Variants in BBS1 observed in about 807,000 individuals in gnomAD.
BBS1 encodes the protein BBSome complex member BBS1.
BBS1 carries 60 observed loss-of-function variants against 73.9 expected under a neutral mutation model. The observed-to-expected ratio is 0.81, with a 90% CI of 0.66 to 1.01. The LOEUF (loss-of-function observed/expected upper bound fraction) is 1.01. Ranked by LOEUF, BBS1 falls within the 50% of genes least tolerant of loss-of-function variation. The pLI, the probability that BBS1 is intolerant of heterozygous loss-of-function variation, is 0.00. For synonymous variants in BBS1, 283 were observed against 317.4 expected (o/e 0.89, Z 1.15); for missense variants, 718 against 770.3 (o/e 0.93, Z 0.80).
intron 16 of BBS1, 86 bp from the exon 17 acceptor site, chr11:66,531,865 C>A (rs937045944): frequency 6.3e-7 from 1 of 1,593,702 alleles, no homozygotes; most frequent in Admixed American, 1.8e-5. Context: ...CACAGTGGAG[C>A]CCTGTGGCCT....
chr11:66,516,129 T>A (rs1207204105), intron 7 of BBS1, among the ~76,000 whole-genome samples, 196 bp downstream of exon 7: 4 of 146,142 alleles, frequency 2.7e-5, no homozygotes, highest in Non-Finnish European at 6.0e-5. Flanking sequence ...CAGCTTTTTT[T>A]TTTTTTTTTT....
intron 7 of BBS1, among the ~76,000 whole-genome samples, chr11:66,516,233 C>A (rs1856047278): frequency 6.8e-6 from 1 of 147,658 alleles, no homozygotes; most frequent in African/African-American, 2.5e-5. Context: ...TCAAGCGATT[C>A]TCCTGCCTCA....
At chr11:66,531,615 C>T in intron 15 of BBS1, 41 bp from the exon 16 acceptor site, 1 of 1,613,686 alleles carries the variant, frequency 6.2e-7, no homozygotes, top group African/African-American at 1.3e-5. Flanking sequence ...CAAACACTGG[C>T]ACGAGGGCTG....
intron 7 of BBS1, among the ~76,000 whole-genome samples, chr11:66,517,218 C>CA (rs576970399): frequency 0.022 from 3,065 of 138,486 alleles, 87 homozygotes; most frequent in African/African-American, 0.072. Flanking sequence ...AACCAAAAAA[C>CA]AAAAAAAAAA....
intron 8 of BBS1, 166 bp downstream of exon 8, chr11:66,519,914 A>G (rs779943563): frequency 4.5e-5 from 35 of 777,466 alleles, no homozygotes; most frequent in Non-Finnish European, 6.5e-5. Flanking sequence ...CTATGGATGT[A>G]TACTGTTAAA....
chr11:66,531,807 T>C (rs1856794541), intron 16 of BBS1, 65 bp downstream of exon 16: 1 of 1,610,722 alleles, frequency 6.2e-7, no homozygotes, highest in Non-Finnish European at 8.5e-7. Context: ...TAAGGGTGAG[T>C]GCCAACAAAG....
chr11:66,518,771 T>C (rs1032659083), intron 7 of BBS1, among the ~76,000 whole-genome samples: 30 of 151,324 alleles, frequency 2.0e-4, no homozygotes, highest in African/African-American at 7.3e-4. Context: ...TTTTTTTTTT[T>C]TTTTAAGACA....
intron 7 of BBS1, among the ~76,000 whole-genome samples, chr11:66,518,201 C>A (rs1856097211): frequency 6.6e-6 from 1 of 151,956 alleles, no homozygotes; most frequent in Admixed American, 6.6e-5. Context: ...ACGTGATCCA[C>A]CCACCTCGGC....
chr11:66,524,176 A>C (rs1856381562), intron 11 of BBS1: 1 of 407,220 alleles, frequency 2.5e-6, no homozygotes, highest in Non-Finnish European at 4.7e-6. Flanking sequence ...GCTACTCAGG[A>C]GGTTGAGGTA....
At chr11:66,519,373 GA>G (rs1186547445) in intron 7 of BBS1, among the ~76,000 whole-genome samples, 3 of 147,340 alleles carry the variant, frequency 2.0e-5, no homozygotes, top group African/African-American at 5.0e-5. Flanking sequence ...CCTGTCTCAA[GA>G]AAAAAAAAAG....
rs192214067 is a variant in BBS1 at position 66,530,780 on chromosome 11, A to T, written c.1474-114A>T. 2.1e-6 allele frequency: 3 copies of T among 1,455,720 alleles called. No homozygotes were observed. In the East Asian group the frequency reaches 6.8e-5, roughly 33 times the overall value. The allele number at this position is 1,455,720 out of a possible 1,614,324, so 90.2% of individuals were successfully genotyped here. On this transcript the variant is annotated intron_variant, in intron 14 of 16. Transcript: ENST00000318312. ...GTCTTCTGTGTCTGCTGGGAGGCAG[A>T]TTGAGTAGGAGGAGGGGACATGAGG...
At chr11:66,526,537 A>T in intron 12 of BBS1, 112 bp from the exon 13 acceptor site, 1 of 1,333,358 alleles carries the variant, frequency 7.5e-7, no homozygotes, top group Non-Finnish European at 1.1e-6. Flanking sequence ...CGTCTGGAAG[A>T]CGGATGTGTA....
intron 7 of BBS1, 73 bp from the exon 8 acceptor site, chr11:66,519,544 A>C: frequency 6.2e-7 from 1 of 1,604,042 alleles, no homozygotes; most frequent in Non-Finnish European, 8.5e-7. Flanking sequence ...TTCTTCCCTC[A>C]TGTGGCATTC....
chr11:66,518,326 C>T (rs1001675588), intron 7 of BBS1, among the ~76,000 whole-genome samples: 2 of 151,358 alleles, frequency 1.3e-5, no homozygotes, highest in Non-Finnish European at 2.9e-5. Context: ...GGCATGATCT[C>T]AGCTCACTGC....
rs1332530635 is a variant in BBS1 at position 66,515,688 on chromosome 11, T to C, written c.480-5T>C. ...CGGCTGCCATGCTGGCCCCTTTCCT[T>C]GCAGGGAGACGGCAGAGGAGCCTTT... is the stretch of plus-strand genomic sequence containing the variant. On this transcript the variant is annotated splice_polypyrimidine_tract_variant and splice_region_variant and intron_variant, in intron 5 of 16. Transcript: ENST00000318312. The C allele has an allele frequency of 1.9e-6, 3 of 1,614,082 alleles. No homozygotes were observed. The highest frequency in any genetic ancestry group is 2.5e-6 in the Non-Finnish European group (3 of 1,180,044).
intron 3 of BBS1, among the ~76,000 whole-genome samples, chr11:66,512,919 C>T (rs111864018): frequency 8.6e-4 from 130 of 152,002 alleles, no homozygotes; most frequent in African/African-American, 3.1e-3. Flanking sequence ...TTGCAGTGAG[C>T]CGAAATCACG....
intron 1 of BBS1, 112 bp from the exon 2 acceptor site, chr11:66,510,901 G>A (rs1855926870): frequency 7.1e-7 from 1 of 1,417,784 alleles, no homozygotes; most frequent in Non-Finnish European, 1.0e-6. Context: ...GCCTGGACTT[G>A]TACCCAGACG....
intron 7 of BBS1, among the ~76,000 whole-genome samples, chr11:66,517,612 C>T (rs1289728377): frequency 2.6e-5 from 4 of 151,294 alleles, no homozygotes; most frequent in East Asian, 2.0e-4. Flanking sequence ...AGACTACAGG[C>T]GCACACCACC....
intron 15 of BBS1, 22 bp downstream of exon 15, chr11:66,531,050 G>A (rs371215066): frequency 6.2e-7 from 1 of 1,614,058 alleles, no homozygotes; most frequent in Non-Finnish European, 8.5e-7. Context: ...TCCTCACTTA[G>A]ATATGGAGTG....
Sources: gnomAD v4.1 joint callset for allele counts (sites outside exome capture counted in the v4.1 genomes callset) on GRCh38, gnomAD v4.1.1 for gene constraint, MANE v1.5 for transcripts, NCBI Gene and HGNC (gene_info 2026-07-23, HGNC 2026-07-21) for gene names.